JMJD1C: variants seen among roughly 807,000 people sequenced by gnomAD.
The protein encoded by JMJD1C is jumonji domain containing 1C, also known as jumonji domain-containing protein 1C.
In JMJD1C, 31 loss-of-function variants were observed where a neutral mutation model predicts 245.3. The observed-to-expected ratio is 0.13, with a 90% CI of 0.09 to 0.17. JMJD1C has a LOEUF of 0.17. Among genes scored for constraint, JMJD1C ranks in the 10% least tolerant of loss-of-function variants. The pLI is 1.00. For missense variants in JMJD1C, 2,691 were observed against 3,000.2 expected, an observed-to-expected ratio of 0.90 and a Z score of 2.41; for synonymous variants, 1,057 against 1,017.4, an observed-to-expected ratio of 1.04 and a Z score of -0.74.
At chr10:63,463,021 AGGTT>A (rs1308786998) in intron 1 of JMJD1C, among the ~76,000 whole-genome samples, 6 of 152,146 alleles carry the variant, frequency 3.9e-5, no homozygotes, top group Non-Finnish European at 8.8e-5. Context: ...CATGTGCCAC[AGGTT>A]TGTGGCACAT....
intron 3 of JMJD1C, chr10:63,223,153 A>C: frequency 1.7e-6 from 1 of 580,750 alleles, no homozygotes; most frequent in Non-Finnish European, 3.0e-6. Context: ...AACCCAAACA[A>C]ACAAAAACTT....
chr10:63,190,153 A>G (rs1280064873), intron 17 of JMJD1C, among the ~76,000 whole-genome samples: 1 of 151,526 alleles, frequency 6.6e-6, no homozygotes, highest in African/African-American at 2.4e-5. Flanking sequence ...TGCCCACGTC[A>G]GCCTCCCAAA....
chr10:63,353,504 G>A (rs746812599), intron 2 of JMJD1C, among the ~76,000 whole-genome samples: 5 of 152,124 alleles, frequency 3.3e-5, no homozygotes, highest in African/African-American at 9.7e-5. Flanking sequence ...GGGAACCACA[G>A]GTACTTTGGG....
At chr10:63,489,327 G>T (rs530578286) in intron 1 of JMJD1C, 1 of 152,496 alleles carries the variant, frequency 6.6e-6, no homozygotes, top group South Asian at 2.1e-4. Flanking sequence ...TTGAACCCAG[G>T]AGGCAGAGGT....
At chr10:63,446,597 G>A (rs1366288106) in intron 1 of JMJD1C, among the ~76,000 whole-genome samples, 16 of 152,150 alleles carry the variant, frequency 1.1e-4, no homozygotes, top group African/African-American at 3.9e-4. Flanking sequence ...AACCTTCCAA[G>A]GAGAGGCAAG....
In JMJD1C at chr10:63,206,995, G is replaced by A; in HGVS notation, c.4674C>T (p.His1558=). 6.2e-7 allele frequency: 1 copy of A among 1,613,116 alleles called. No individual in the cohort carries two copies. The highest frequency in any genetic ancestry group is 8.5e-7 in the Non-Finnish European group (1 of 1,179,780). ...TKLKKAWLTR[H]SEEDKNTNKM... is the part of the protein sequence containing the mutation. ...TATTAGTATTTTTATCTTCTTCTGAGTGTCTGGTGAGCCAGGCCTTTTTCA... is the reference window on the plus strand; with the variant it reads ...TATTAGTATTTTTATCTTCTTCTGAATGTCTGGTGAGCCAGGCCTTTTTCA... Residue 1558 remains histidine, a synonymous_variant, in exon 10 of 26, where the codon CAC becomes CAT. Transcript: ENST00000399262.
chr10:63,178,009 T>G (rs888659699), intron 22 of JMJD1C, among the ~76,000 whole-genome samples, 153 bp from the exon 23 acceptor site: 1 of 152,160 alleles, frequency 6.6e-6, no homozygotes, highest in South Asian at 2.1e-4. Flanking sequence ...GGCATGATCT[T>G]GGCTCACTGC....
chr10:63,330,460 T>G (rs1942025531), intron 2 of JMJD1C, among the ~76,000 whole-genome samples: 1 of 152,158 alleles, frequency 6.6e-6, no homozygotes. Flanking sequence ...AATGAAAGTA[T>G]TATATATTCA....
At chr10:63,236,952 T>G (rs781061041) in intron 3 of JMJD1C, among the ~76,000 whole-genome samples, 5 of 147,160 alleles carry the variant, frequency 3.4e-5, no homozygotes, top group Non-Finnish European at 5.9e-5. Flanking sequence ...TCTCTAAATA[T>G]ATATTTAAAA....
chr10:63,420,134 C>CAA (rs35888793), intron 1 of JMJD1C, among the ~76,000 whole-genome samples: 332 of 135,468 alleles, frequency 2.5e-3, no homozygotes, highest in East Asian at 5.2e-3. Context: ...GACGCTGTCT[C>CAA]AAAAAAAAAA....
chr10:63,230,601 C>T (rs1849840666), intron 3 of JMJD1C, among the ~76,000 whole-genome samples: 1 of 151,874 alleles, frequency 6.6e-6, no homozygotes, highest in Non-Finnish European at 1.5e-5. Flanking sequence ...TACTTAAACC[C>T]TGGCTCTATT....
intron 2 of JMJD1C, among the ~76,000 whole-genome samples, chr10:63,313,892 T>C (rs1484990886): frequency 6.6e-6 from 1 of 152,254 alleles, no homozygotes; most frequent in East Asian, 1.9e-4. Context: ...GTTGCCTGTT[T>C]ACTCTGTTGT....
chr10:63,431,076 T>G (rs1950718566), intron 1 of JMJD1C, among the ~76,000 whole-genome samples: 2 of 152,124 alleles, frequency 1.3e-5, no homozygotes, highest in African/African-American at 4.8e-5. Context: ...TAGATGACAA[T>G]AAAACCAGTG....
intron 1 of JMJD1C, among the ~76,000 whole-genome samples, chr10:63,448,965 A>G (rs1951870602): frequency 6.6e-6 from 1 of 151,970 alleles, no homozygotes; most frequent in Non-Finnish European, 1.5e-5. Context: ...AAAAATACAA[A>G]AATTAGCCAG....
intron 3 of JMJD1C, among the ~76,000 whole-genome samples, chr10:63,223,873 C>T (rs572878795): frequency 1.7e-4 from 26 of 152,230 alleles, no homozygotes; most frequent in Admixed American, 4.6e-4. Flanking sequence ...CCTGCCTCAG[C>T]CTCCTGAGTA....
rs544457548 is a variant in JMJD1C, at chr10:63,430,502, T to G, written c.168+34993A>C. On this transcript the variant is annotated intron_variant, in intron 1 of 25. Coordinates refer to ENST00000399262, the MANE Select transcript of JMJD1C (RefSeq NM_032776.3). ...GCTAGATGCAAAAGGGCACAGATTA[T>G]ATGATTTCATTTATATGGAATGTTC... is the stretch of plus-strand genomic sequence containing the variant. Among the ~76,000 whole-genome samples the G allele has an allele frequency of 1.2e-4, 18 of 152,330 alleles. No individual in the cohort carries two copies. In the East Asian group the frequency reaches 1.4e-3, roughly 11 times the overall value.
rs117647164 is a variant in JMJD1C at position 63,214,257 on chromosome 10, T to C, written c.1910A>G (p.Lys637Arg). 1,111 of 1,614,042 alleles carry C rather than the reference T, an allele frequency of 6.9e-4. 22 individuals carry two copies. The East Asian group carries it at 0.024, about 34-fold the overall frequency. ...LNTSVDTHKIKSSPSPEVVKP... is the reference protein window; with the variant it reads ...LNTSVDTHKIRSSPSPEVVKP... ...AACAACTTCAGGTGATGGGCTGGAT[T>C]TTATCTTGTGAGTATCTACTGAAGT... Residue 637 changes from lysine to arginine, a missense_variant, in exon 8 of 26, where the codon AAA (lysine) becomes AGA (arginine). By Grantham distance (26) the Lys-to-Arg change is conservative. Transcript: ENST00000399262.
intron 2 of JMJD1C, among the ~76,000 whole-genome samples, chr10:63,313,062 T>C (rs1939445275): frequency 6.6e-6 from 1 of 152,178 alleles, no homozygotes; most frequent in Non-Finnish European, 1.5e-5. Flanking sequence ...CAGCATACAC[T>C]GAACCCAATT....
intron 1 of JMJD1C, among the ~76,000 whole-genome samples, chr10:63,420,804 AAACTCT>A (rs1950083526): frequency 6.6e-6 from 1 of 152,012 alleles, no homozygotes; most frequent in East Asian, 1.9e-4. Context: ...CAAAACAGAC[AAACTCT>A]AAGAAAGTAA....
Sources: gnomAD v4.1 joint callset for allele counts (sites outside exome capture counted in the v4.1 genomes callset) on GRCh38, gnomAD v4.1.1 for gene constraint, MANE v1.5 for transcripts, NCBI Gene and HGNC (gene_info 2026-07-23, HGNC 2026-07-21) for gene names.